The following CDH4 variants were observed in gnomAD, a reference collection of about 807,000 sequenced individuals.
The protein encoded by CDH4 is cadherin-4.
CDH4 carries 33 observed loss-of-function variants against 86.0 expected under a neutral mutation model. The ratio of observed to expected loss-of-function variants is 0.38; its 90% CI spans 0.29 to 0.51. The LOEUF (loss-of-function observed/expected upper bound fraction) is 0.51, where lower values mean the gene tolerates loss of function less well. CDH4 is among the 20% of genes least tolerant of loss of function. The pLI is 0.86. For synonymous variants in CDH4, 555 were observed against 549.4 expected (o/e 1.01, Z -0.14); for missense variants, 1,114 against 1,307.4 (o/e 0.85, Z 2.28).
intron 2 of CDH4, among the ~76,000 whole-genome samples, chr20:61,672,204 T>C (rs1251865222): frequency 6.6e-6 from 1 of 151,406 alleles, no homozygotes; most frequent in Non-Finnish European, 1.5e-5. Flanking sequence ...GGATGGATGA[T>C]GGATGGATAG....
chr20:61,884,429 G>C (rs1050583048), intron 7 of CDH4, among the ~76,000 whole-genome samples: 1 of 152,234 alleles, frequency 6.6e-6, no homozygotes, highest in African/African-American at 2.4e-5. Context: ...AGTGGTGAGG[G>C]AGAGACAGTG....
intron 2 of CDH4, among the ~76,000 whole-genome samples, chr20:61,530,014 T>TTTTGTTTG (rs370583052): frequency 6.6e-6 from 1 of 151,874 alleles, no homozygotes. Context: ...ATTTATTTGT[T>TTTTGTTTG]TTTGTTTGTT....
intron 2 of CDH4, among the ~76,000 whole-genome samples, chr20:61,531,111 C>T (rs927663470): frequency 1.3e-5 from 2 of 151,792 alleles, no homozygotes; most frequent in Non-Finnish European, 2.9e-5. Flanking sequence ...GACCTTGGAC[C>T]TGACCTGCTA....
At chr20:61,311,450 G>A (rs532183366) in intron 2 of CDH4, among the ~76,000 whole-genome samples, 2 of 152,294 alleles carry the variant, frequency 1.3e-5, no homozygotes, top group East Asian at 3.9e-4. Flanking sequence ...ATATAGACTG[G>A]TGAGAACAAT....
At chr20:61,273,940 T>A (rs2084205202) in intron 2 of CDH4, among the ~76,000 whole-genome samples, 1 of 145,814 alleles carries the variant, frequency 6.9e-6, no homozygotes, top group African/African-American at 2.6e-5. Flanking sequence ...AGGAGTATTG[T>A]GTGCAGTTTG....
At chr20:61,720,400 G>C (rs558958227) in intron 2 of CDH4, among the ~76,000 whole-genome samples, 1 of 151,840 alleles carries the variant, frequency 6.6e-6, no homozygotes, top group Non-Finnish European at 1.5e-5. Flanking sequence ...GGGGTGCAGG[G>C]GTGCGAAGTG....
At position 61,796,011 on chromosome 20, in the gene CDH4, C is replaced by A. The variant is rs74920678; in HGVS notation, c.576+22829C>A. 1.8e-3 allele frequency among the ~76,000 whole-genome samples: 272 copies of A among 152,232 alleles called. 2 individuals are homozygous for A. The East Asian group carries it at 0.027, about 15-fold the overall frequency. ...TTAATCCATGCTTCCCCTCCCACTC[C>A]CCACACAGCAAGCTGGACCCTGGTG... On this transcript the variant is annotated intron_variant, in intron 4 of 15. Transcript: ENST00000614565.
intron 8 of CDH4, among the ~76,000 whole-genome samples, chr20:61,898,676 G>A (rs1187808193): frequency 1.3e-5 from 2 of 152,228 alleles, no homozygotes; most frequent in African/African-American, 4.8e-5. Flanking sequence ...GTCCCTGCCT[G>A]CTGTGTAGCC....
chr20:61,605,146 T>C (rs1401281896), intron 2 of CDH4, among the ~76,000 whole-genome samples: 3 of 152,048 alleles, frequency 2.0e-5, no homozygotes, highest in Admixed American at 2.0e-4. Context: ...GTTACTGTGA[T>C]TGGAAGTAAT....
chr20:61,532,629 A>G (rs1402499866), intron 2 of CDH4, among the ~76,000 whole-genome samples: 2 of 152,302 alleles, frequency 1.3e-5, no homozygotes, highest in Non-Finnish European at 1.5e-5. Flanking sequence ...CTGCCCCAGA[A>G]ATCAGTTAAA....
rs1978497843 is a variant in CDH4, at chr20:61,780,764, G to A, written c.576+7582G>A. ...CTGTTGGGGACTCCACGCTCGAAGG[G>A]AGAAAATGGCACTGGGTGAGACGTG... is the stretch of plus-strand genomic sequence containing the variant. On this transcript the variant is annotated intron_variant, in intron 4 of 15. Coordinates refer to ENST00000614565, the MANE Select transcript of CDH4 (RefSeq NM_001794.5). Among the ~76,000 whole-genome samples the A allele has an allele frequency of 2.0e-5, 3 of 152,216 alleles. No individual in the cohort carries two copies. The South Asian group carries it at 6.2e-4, about 32-fold the overall frequency.
intron 2 of CDH4, among the ~76,000 whole-genome samples, chr20:61,647,096 A>G (rs1404890720): frequency 6.6e-6 from 1 of 152,186 alleles, no homozygotes; most frequent in Non-Finnish European, 1.5e-5. Flanking sequence ...ACACCCACCC[A>G]GCCTGTCCTC....
intron 3 of CDH4, among the ~76,000 whole-genome samples, chr20:61,767,884 C>T (rs2088719144): frequency 6.6e-6 from 1 of 152,230 alleles, no homozygotes; most frequent in African/African-American, 2.4e-5. Context: ...CTCCATGAAA[C>T]ATCCCTGGGG....
rs139080953 is a variant in CDH4 at position 61,556,701 on chromosome 20, G to A, written c.170-186862G>A. 1.4e-3 allele frequency among the ~76,000 whole-genome samples: 209 copies of A among 152,200 alleles called. 5 individuals are homozygous for A. The East Asian group carries it at 0.034, about 24-fold the overall frequency. On this transcript the variant is annotated intron_variant, in intron 2 of 15. Transcript: ENST00000614565. ...CTAGAGGCCACCCGTGTAAGCCCGC[G>A]TGCTTCTCCAGTGCCCCCAGTGGAG...
chr20:61,646,505 C>G (rs2087062709), intron 2 of CDH4, among the ~76,000 whole-genome samples: 1 of 152,216 alleles, frequency 6.6e-6, no homozygotes, highest in Non-Finnish European at 1.5e-5. Context: ...ACCTGTGTGA[C>G]CCTGGGCCAG....
intron 2 of CDH4, among the ~76,000 whole-genome samples, chr20:61,556,761 C>T (rs1203151785): frequency 6.6e-6 from 1 of 152,306 alleles, no homozygotes; most frequent in East Asian, 1.9e-4. Flanking sequence ...CCTTGGTGCT[C>T]TGCCTTGAGG....
At chr20:61,842,007 C>T (rs138173214) in intron 4 of CDH4, among the ~76,000 whole-genome samples, 153 of 152,338 alleles carry the variant, frequency 1.0e-3, no homozygotes, top group African/African-American at 3.6e-3. Context: ...ATGCGAAATG[C>T]TGGCTTAAGA....
intron 2 of CDH4, among the ~76,000 whole-genome samples, chr20:61,368,796 C>T (rs1369732418): frequency 1.3e-5 from 2 of 152,102 alleles, no homozygotes; most frequent in East Asian, 1.9e-4. Context: ...GGATTACAGG[C>T]GTGAGCCACT....
chr20:61,632,551 G>A (rs533215658), intron 2 of CDH4, among the ~76,000 whole-genome samples: 7 of 151,960 alleles, frequency 4.6e-5, no homozygotes, highest in African/African-American at 1.4e-4. Flanking sequence ...TCCCCCTCCC[G>A]GGCTGGGTGG....
Sources: allele counts gnomAD v4.1 joint callset (sites outside exome capture counted in the v4.1 genomes callset), GRCh38; gene constraint gnomAD v4.1.1; transcripts MANE v1.5; gene names NCBI Gene and HGNC (gene_info 2026-07-23, HGNC 2026-07-21).